The following NYAP2 variants were observed in gnomAD, a reference collection of about 807,000 sequenced individuals.
NYAP2 encodes neuronal tyrosine-phosphorylated phosphoinositide-3-kinase adapter 2.
A neutral mutation model predicts 50.4 loss-of-function variants in NYAP2; 23 were observed. That is an observed-to-expected ratio of 0.46 (90% confidence interval 0.33 to 0.65). The LOEUF is 0.65. Among genes scored for constraint, NYAP2 ranks in the 30% least tolerant of loss-of-function variants. The probability of loss-of-function intolerance (pLI) is 0.02; values close to 1 mark genes in which losing one functional copy is unlikely to be tolerated. For synonymous variants in NYAP2, 394 were observed against 365.2 expected, an observed-to-expected ratio of 1.08 and a Z score of -0.90; for missense variants, 885 against 861.0, an observed-to-expected ratio of 1.03 and a Z score of -0.35.
chr2:225,432,198 G>A (rs946717278), intron 3 of NYAP2, among the ~76,000 whole-genome samples: 5 of 137,816 alleles, frequency 3.6e-5, no homozygotes, highest in Middle Eastern at 3.6e-3. Context: ...GGTTTCAACC[G>A]TGTTAGCCAG....
chr2:225,570,887 G>A (rs1692058206), intron 4 of NYAP2, among the ~76,000 whole-genome samples: 1 of 152,176 alleles, frequency 6.6e-6, no homozygotes, highest in Admixed American at 6.5e-5. Flanking sequence ...CCACCTATGA[G>A]CCTGTAAAAT....
rs148892480 is a variant in NYAP2 at position 225,480,556 on chromosome 2, A to C, written c.222-32815A>C. On this transcript the variant is annotated intron_variant, in intron 3 of 6. Transcript: ENST00000636099. ...CATAAAGGAATATTGAGGCACAAAA[A>C]TGCAGGCTTCATAGAAAGGCGAGTA... Among the ~76,000 whole-genome samples the C allele has an allele frequency of 2.4e-3, 360 of 152,220 alleles. 3 individuals carry two copies. Among genetic ancestry groups the C allele is most frequent in the African/African-American group, 8.2e-3 (340 of 41,556 alleles).
At chr2:225,601,036 T>C (rs556892320) in intron 5 of NYAP2, among the ~76,000 whole-genome samples, 1 of 152,272 alleles carries the variant, frequency 6.6e-6, no homozygotes, top group South Asian at 2.1e-4. Context: ...TGGTGTATGA[T>C]AATCTGTTTG....
At chr2:225,441,344 A>G (rs1397884022) in intron 3 of NYAP2, among the ~76,000 whole-genome samples, 1 of 152,340 alleles carries the variant, frequency 6.6e-6, no homozygotes, top group East Asian at 1.9e-4. Context: ...AAAACAATGA[A>G]AATCTTGGTT....
At chr2:225,501,583 C>T (rs1690608511) in intron 3 of NYAP2, among the ~76,000 whole-genome samples, 2 of 152,012 alleles carry the variant, frequency 1.3e-5, no homozygotes, top group South Asian at 2.1e-4. Context: ...TCAAATTGGC[C>T]GTTGGGATAT....
intron 4 of NYAP2, among the ~76,000 whole-genome samples, chr2:225,559,372 G>A (rs898229755): frequency 3.7e-4 from 56 of 151,366 alleles, no homozygotes; most frequent in African/African-American, 1.3e-3. Context: ...AATGTGCTAT[G>A]TCTGGGGATT....
chr2:225,582,647 C>G lies in NYAP2; in HGVS notation c.1230C>G (p.Leu410=). Residue 410 remains leucine, a synonymous_variant, in exon 5 of 7, where the codon CTC becomes CTG. Coordinates refer to ENST00000636099, the Ensembl canonical transcript of NYAP2. The surrounding 1 kb of genome is among the most constrained non-coding windows in gnomAD (Gnocchi z 7.0). ...GACCTGCCTCTGCCACCCCTGCGCT[C>G]TCCTCGTCGCCCCCACCCCCGTCTA... The G allele has an allele frequency of 6.3e-7, 1 of 1,597,448 alleles. No homozygotes were observed. The highest frequency in any genetic ancestry group is 8.5e-7 in the Non-Finnish European group (1 of 1,172,158).
At chr2:225,426,664 C>T (rs1042770119) in intron 3 of NYAP2, among the ~76,000 whole-genome samples, 17 of 152,122 alleles carry the variant, frequency 1.1e-4, no homozygotes, top group African/African-American at 3.9e-4. Context: ...AAGTATGAAA[C>T]GATTCTTTTG....
intron 4 of NYAP2, among the ~76,000 whole-genome samples, chr2:225,566,060 T>A (rs566895160): frequency 2.4e-4 from 36 of 152,204 alleles, no homozygotes; most frequent in Admixed American, 1.3e-3. Flanking sequence ...TATAACTATA[T>A]TTTAATGTCT....
intron 4 of NYAP2, among the ~76,000 whole-genome samples, chr2:225,523,998 A>G (rs115016040): frequency 6.6e-6 from 1 of 152,192 alleles, no homozygotes; most frequent in African/African-American, 2.4e-5. Context: ...TTGGATAGCC[A>G]TATGCAAAAG....
At chr2:225,571,448 A>C (rs1366436898) in intron 4 of NYAP2, among the ~76,000 whole-genome samples, 2 of 152,334 alleles carry the variant, frequency 1.3e-5, no homozygotes, top group African/African-American at 4.8e-5. Context: ...TTGGAAATCT[A>C]GGTGAAGATT....
intron 4 of NYAP2, among the ~76,000 whole-genome samples, chr2:225,569,421 G>A (rs1692025906): frequency 6.6e-6 from 1 of 151,834 alleles, no homozygotes; most frequent in South Asian, 2.1e-4. Flanking sequence ...AGAGGGGATT[G>A]AGAGAAAGGA....
At chr2:225,631,903 C>T (rs753712358) in intron 6 of NYAP2, among the ~76,000 whole-genome samples, 13 of 152,104 alleles carry the variant, frequency 8.5e-5, no homozygotes, top group Non-Finnish European at 1.5e-4. Flanking sequence ...CTGAAACCTC[C>T]GCCTCCTGGG....
At chr2:225,536,038 C>G (rs1213977643) in intron 4 of NYAP2, among the ~76,000 whole-genome samples, 1 of 152,168 alleles carries the variant, frequency 6.6e-6, no homozygotes, top group African/African-American at 2.4e-5. Flanking sequence ...CAATGAGTTT[C>G]AGTAAGAGAT....
chr2:225,404,435 A>G (rs1290723799), intron 2 of NYAP2, among the ~76,000 whole-genome samples: 1 of 152,034 alleles, frequency 6.6e-6, no homozygotes, highest in Non-Finnish European at 1.5e-5. Flanking sequence ...AGTGGAAACA[A>G]TTGTAAAGAA....
chr2:225,429,318 A>G (rs1487168154), intron 3 of NYAP2, among the ~76,000 whole-genome samples: 2 of 152,250 alleles, frequency 1.3e-5, no homozygotes, highest in African/African-American at 4.8e-5. Context: ...CATGTTGCAT[A>G]GTGATACTGG....
the NYAP2 span, among the ~76,000 whole-genome samples, chr2:225,679,654 C>A: frequency 6.6e-6 from 1 of 151,686 alleles, no homozygotes; most frequent in Non-Finnish European, 1.5e-5. Flanking sequence ...ACCACCATGC[C>A]CAGCTAATTT....
chr2:225,620,505 A>G (rs1209563386), intron 5 of NYAP2, among the ~76,000 whole-genome samples: 4 of 151,964 alleles, frequency 2.6e-5, no homozygotes, highest in Non-Finnish European at 5.9e-5. Context: ...ACGCACGCAC[A>G]CACACATGAA....
intron 3 of NYAP2, among the ~76,000 whole-genome samples, chr2:225,504,264 T>C (rs977927195): frequency 3.3e-5 from 5 of 152,180 alleles, no homozygotes; most frequent in African/African-American, 1.2e-4. Flanking sequence ...GTTTTCTCTG[T>C]GTCCTCACAC....
Sources: gnomAD v4.1 joint callset for allele counts (sites outside exome capture counted in the v4.1 genomes callset) on GRCh38, gnomAD v4.1.1 for gene constraint, Gnocchi (gnomAD v3.1) non-coding constraint, MANE v1.5 for transcripts, NCBI Gene and HGNC (gene_info 2026-07-23, HGNC 2026-07-21) for gene names.